Variants in CAMSAP2 observed in about 807,000 individuals in gnomAD.
The protein encoded by CAMSAP2 is calmodulin-regulated spectrin-associated protein 2.
A neutral mutation model predicts 146.1 loss-of-function variants in CAMSAP2; 26 were observed. The ratio of observed to expected loss-of-function variants is 0.18; its 90% confidence interval spans 0.13 to 0.25. The LOEUF (loss-of-function observed/expected upper bound fraction) is 0.25, where lower values mean the gene tolerates loss of function less well. Among genes scored for constraint, CAMSAP2 ranks in the 10% least tolerant of loss-of-function variants. CAMSAP2 has a pLI of 1.00. For synonymous variants in CAMSAP2, 499 were observed against 596.6 expected (o/e 0.84, Z 2.38); for missense variants, 1,381 against 1,759.3 (o/e 0.78, Z 3.85).
In CAMSAP2 at chr1:200,739,933, C is replaced by G. The variant is rs201513510; in HGVS notation, c.106C>G (p.Leu36Val). ...DFSRAKIACN[L>V]AWLVAKAFGT... is the part of the protein sequence containing the mutation. Reference sequence around the variant, plus strand: ...CTCCAGGGCCAAAATCGCCTGCAATCTGGCCTGGCTGGTGGCCAAAGCCTT... The same window carrying G: ...CTCCAGGGCCAAAATCGCCTGCAATGTGGCCTGGCTGGTGGCCAAAGCCTT... Residue 36 changes from leucine (L) to valine (V), a missense_variant, in exon 1 of 17, where the codon CTG becomes GTG. Leu to Val is a conservative substitution (Grantham distance 32). Coordinates refer to ENST00000358823, the MANE Select transcript of CAMSAP2 (RefSeq NM_203459.4). The surrounding 1 kb of genome is among the most constrained non-coding windows in gnomAD (Gnocchi z 4.8). 4.7e-5 allele frequency: 76 copies of G among 1,614,216 alleles called. No homozygotes were observed. The highest frequency in any genetic ancestry group is 4.3e-5 in the Non-Finnish European group (51 of 1,180,022).
At chr1:200,829,082 G>C (rs1167106279) in intron 4 of CAMSAP2, among the ~76,000 whole-genome samples, 1 of 152,190 alleles carries the variant, frequency 6.6e-6, no homozygotes, top group Non-Finnish European at 1.5e-5. Flanking sequence ...TTGAACCAGG[G>C]AGGCAGAGGT....
In CAMSAP2 at chr1:200,832,971, G is replaced by A. The variant is rs558965362; in HGVS notation, c.927+126G>A. ...AGTACTTTGGGAGGACAAGGTGGGA[G>A]GATTGCTTAAGCCTGGGAGGTTGAG... On this transcript the variant is annotated intron_variant, in intron 6 of 16. Transcript: ENST00000358823. The surrounding 1 kb of genome is among the most constrained non-coding windows in gnomAD (Gnocchi z 4.2). 8.8e-6 allele frequency: 7 copies of A among 791,566 alleles called. No individual in the cohort carries two copies. In the Admixed American group the frequency reaches 2.5e-4, roughly 29 times the overall value. The allele number at this position is 791,566 out of a possible 1,614,324, so 49.0% of individuals were successfully genotyped here. A position where few individuals can be genotyped will look rare whatever the true frequency, so the allele number is the denominator to read the frequency against.
chr1:200,832,972 G>A lies in CAMSAP2; in HGVS notation c.927+127G>A. 7.8e-6 allele frequency: 6 copies of A among 772,752 alleles called. No homozygotes were observed. In the South Asian group the frequency reaches 1.1e-4, roughly 14 times the overall value. The allele number at this position is 772,752 out of a possible 1,614,324, so 47.9% of individuals were successfully genotyped here. On this transcript the variant is annotated intron_variant, in intron 6 of 16. Coordinates refer to ENST00000358823, the MANE Select transcript of CAMSAP2 (RefSeq NM_203459.4). This position sits in a 1 kb window ranked among gnomAD's most constrained non-coding sequence, Gnocchi z 4.2. ...GTACTTTGGGAGGACAAGGTGGGAG[G>A]ATTGCTTAAGCCTGGGAGGTTGAGG...
chr1:200,800,915 C>T lies in CAMSAP2; in HGVS notation c.400-6461C>T, dbSNP rs565498298. ...TCTGTAAAGGATTTTATTTCTCCTT[C>T]GCTTATGAAGCTTAGTTTGACTGGA... is the stretch of plus-strand genomic sequence containing the variant. On this transcript the variant is annotated intron_variant, in intron 2 of 16. Transcript: ENST00000358823. Among the ~76,000 whole-genome samples the T allele has an allele frequency of 5.9e-5, 9 of 152,188 alleles. No individual in the cohort carries two copies. In the East Asian group the frequency reaches 7.7e-4, roughly 13 times the overall value.
rs542685564 is a variant in CAMSAP2, at chr1:200,788,690, G to GA, written c.400-18684dup. Among the ~76,000 whole-genome samples the GA allele has an allele frequency of 1.3e-3, 188 of 149,538 alleles. 1 individual carries two copies. The highest frequency in any genetic ancestry group is 4.4e-3 in the African/African-American group (178 of 40,590). ...GAGTCTCACCCTGTTGCCCAGACTG[G>GA]AAGTGCAATGGCACAATCTCGGCTC... On this transcript the variant is annotated intron_variant, in intron 2 of 16. Transcript: ENST00000358823.
intron 2 of CAMSAP2, among the ~76,000 whole-genome samples, chr1:200,774,756 C>G (rs1230418345): frequency 2.6e-5 from 4 of 152,160 alleles, no homozygotes; most frequent in Non-Finnish European, 5.9e-5. Context: ...TACGAAGACC[C>G]TGAGTTAGTA....
chr1:200,770,360 G>T (rs746183581), intron 2 of CAMSAP2, among the ~76,000 whole-genome samples: 19 of 152,066 alleles, frequency 1.2e-4, no homozygotes, highest in Middle Eastern at 3.4e-3. Flanking sequence ...CAAAGCCCAT[G>T]CTTATTCTGT....
intron 2 of CAMSAP2, among the ~76,000 whole-genome samples, chr1:200,783,076 T>A (rs1665485358): frequency 6.6e-6 from 1 of 152,082 alleles, no homozygotes; most frequent in Non-Finnish European, 1.5e-5. Flanking sequence ...TATTTTCATT[T>A]CTCTTGGTGG....
rs61827523 is a variant in CAMSAP2 at position 200,816,780 on chromosome 1, A to G, written c.645+1136A>G. Reference sequence around the variant, plus strand: ...TATGTGTGTACACACACACGCGTGTATATATGTGTGTACACACACACGCGT... The same window carrying G: ...TATGTGTGTACACACACACGCGTGTGTATATGTGTGTACACACACACGCGT... On this transcript the variant is annotated intron_variant, in intron 4 of 16. Transcript: ENST00000358823. Among the ~76,000 whole-genome samples, 76 of 105,694 alleles carry G rather than the reference A, an allele frequency of 7.2e-4. 7 individuals carry two copies. The highest frequency in any genetic ancestry group is 1.4e-3 in the African/African-American group (38 of 26,566). 69.3% of individuals were successfully genotyped at this position (105,694 alleles called of 152,430 possible).
intron 3 of CAMSAP2, 36 bp from the exon 4 acceptor site, chr1:200,815,525 G>T: frequency 9.0e-7 from 1 of 1,107,362 alleles, no homozygotes; most frequent in Non-Finnish European, 1.3e-6. Flanking sequence ...TTCAAAAAAA[G>T]AATAAAAATT....
At chr1:200,776,235 T>G (rs1407421812) in intron 2 of CAMSAP2, among the ~76,000 whole-genome samples, 1 of 152,180 alleles carries the variant, frequency 6.6e-6, no homozygotes, top group East Asian at 1.9e-4. Context: ...TCAGGTTGCT[T>G]TGTGGAGAAA....
At chr1:200,819,884 C>T (rs1359583078) in intron 4 of CAMSAP2, among the ~76,000 whole-genome samples, 2 of 152,032 alleles carry the variant, frequency 1.3e-5, no homozygotes, top group African/African-American at 4.8e-5. Context: ...TAGTAGATTT[C>T]ATGATACTAG....
At position 200,739,750 on chromosome 1, in the gene CAMSAP2, C is replaced by A; in HGVS notation, c.-78C>A. The A allele has an allele frequency of 2.1e-5, 29 of 1,363,086 alleles. No individual in the cohort carries two copies. Among genetic ancestry groups the A allele is most frequent in the Middle Eastern group, 2.3e-4 (1 of 4,356 alleles). 84.4% of individuals were successfully genotyped at this position (1,363,086 alleles called of 1,614,324 possible). A position where few individuals can be genotyped will look rare whatever the true frequency, so the allele number is the denominator to read the frequency against. On this transcript the variant is annotated 5_prime_UTR_variant, in exon 1 of 17. Transcript: ENST00000358823. The surrounding 1 kb of genome is among the most constrained non-coding windows in gnomAD (Gnocchi z 4.8). Reference sequence around the variant, plus strand: ...CGATGGTTTGAGCTTGCTTCTCCCTCCCTCCCGACCCCCGTGGTGGCGAGG... The same window carrying A: ...CGATGGTTTGAGCTTGCTTCTCCCTACCTCCCGACCCCCGTGGTGGCGAGG...
intron 2 of CAMSAP2, among the ~76,000 whole-genome samples, chr1:200,769,061 T>C (rs1405292355): frequency 3.3e-5 from 5 of 152,178 alleles, no homozygotes; most frequent in Non-Finnish European, 7.3e-5. Context: ...TTATCCCTTA[T>C]GTCAACTCTA....
chr1:200,820,576 C>T (rs1386927443), intron 4 of CAMSAP2, among the ~76,000 whole-genome samples: 1 of 152,124 alleles, frequency 6.6e-6, no homozygotes, highest in Non-Finnish European at 1.5e-5. Context: ...AATGCTTATA[C>T]CTCTTTGCCT....
intron 3 of CAMSAP2, among the ~76,000 whole-genome samples, chr1:200,809,856 T>G (rs1356336658): frequency 6.6e-6 from 1 of 152,200 alleles, no homozygotes; most frequent in Non-Finnish European, 1.5e-5. Context: ...TGGTGAGAGC[T>G]TCCTGCTAAG....
chr1:200,844,876 TC>T lies in CAMSAP2; in HGVS notation c.1109+9del. 6.7e-7 allele frequency: 1 copy of T among 1,487,360 alleles called. No homozygotes were observed. Among genetic ancestry groups the T allele is most frequent in the Non-Finnish European group, 9.2e-7 (1 of 1,084,794 alleles). The allele number at this position is 1,487,360 out of a possible 1,614,324, so 92.1% of individuals were successfully genotyped here. A position where few individuals can be genotyped will look rare whatever the true frequency, so the allele number is the denominator to read the frequency against. ...GTTCTGACTTCCCTTCAAGGTAAAC[TC>T]CACAATGACTTTATTTTCACCATTT... On this transcript the variant is annotated splice_region_variant and intron_variant, in intron 8 of 16. Transcript: ENST00000358823.
At chr1:200,746,897 C>T (rs912923570) in intron 1 of CAMSAP2, among the ~76,000 whole-genome samples, 1 of 151,952 alleles carries the variant, frequency 6.6e-6, no homozygotes, top group Non-Finnish European at 1.5e-5. Context: ...GGATTACAGG[C>T]GTGAGTCAAC....
intron 1 of CAMSAP2, 34 bp from the exon 2 acceptor site, chr1:200,760,805 C>A: frequency 6.9e-7 from 1 of 1,459,018 alleles, no homozygotes; most frequent in Non-Finnish European, 9.3e-7. Context: ...TTATAAAAAT[C>A]TTGTAAGAGA....
Sources: allele counts gnomAD v4.1 joint callset (sites outside exome capture counted in the v4.1 genomes callset), GRCh38; gene constraint gnomAD v4.1.1; non-coding constraint Gnocchi (gnomAD v3.1); transcripts MANE v1.5; gene names NCBI Gene and HGNC (gene_info 2026-07-23, HGNC 2026-07-21).